Variants in HEMGN observed in about 807,000 individuals in gnomAD.
HEMGN encodes hemogen.
A neutral mutation model predicts 45.7 loss-of-function variants in HEMGN; 32 were observed. The observed-to-expected ratio is 0.70, with a 90% CI of 0.53 to 0.94. HEMGN has a LOEUF of 0.94. Ranked by LOEUF, HEMGN falls within the 40% of genes least tolerant of loss-of-function variation. HEMGN has a pLI of 0.00. For missense variants in HEMGN, 530 were observed against 564.2 expected, an observed-to-expected ratio of 0.94 and a Z score of 0.61; for synonymous variants, 183 against 178.6, an observed-to-expected ratio of 1.02 and a Z score of -0.20.
At position 97,930,215 on chromosome 9, in the gene HEMGN, A is replaced by T. The variant is rs768985827; in HGVS notation, c.1180T>A (p.Tyr394Asn). ...IYQETSQLEE[Y>N]SPEIYQETPG... ...GTTTCTTGGTATATTTCAGGTGAATATTCTTCAAGCTGGGATGTTTCTTGG... is the reference window on the plus strand; with the variant it reads ...GTTTCTTGGTATATTTCAGGTGAATTTTCTTCAAGCTGGGATGTTTCTTGG... Residue 394 changes from tyrosine (Y) to asparagine (N), a missense_variant, in exon 3 of 4, where the codon TAT becomes AAT. Transcript: ENST00000616898. 27 of 1,613,930 alleles carry T rather than the reference A, an allele frequency of 1.7e-5. No homozygotes were observed. The South Asian group carries it at 3.0e-4, about 18-fold the overall frequency.
rs759296272 is a variant in HEMGN at position 97,930,937 on chromosome 9, A to AT, written c.457dup (p.Ile153AsnfsTer9). The AT allele has an allele frequency of 3.3e-5, 53 of 1,613,998 alleles. No homozygotes were observed. The highest frequency in any genetic ancestry group is 3.4e-6 in the Non-Finnish European group (4 of 1,180,028). The stretch of plus-strand genomic sequence containing the variant: ...TTCAGAAGAATGGTTTTGTACTGCT[A>AT]TTTCTTGGTACTCAGAAAAATTCTC... On this transcript the variant is annotated frameshift_variant, in exon 3 of 4. Coordinates refer to ENST00000616898, the MANE Select transcript of HEMGN (RefSeq NM_197978.3). LOFTEE classifies it high-confidence loss of function.
At chr9:97,944,457 C>T (rs575587009) in intron 1 of HEMGN, among the ~76,000 whole-genome samples, 9 of 152,260 alleles carry the variant, frequency 5.9e-5, no homozygotes, top group African/African-American at 2.2e-4. Flanking sequence ...CCATCTTTTC[C>T]TGTCCTATAC....
At chr9:97,937,960 C>CTTTT in intron 1 of HEMGN, 98 bp downstream of exon 1, 17 of 500,278 alleles carry the variant, frequency 3.4e-5, no homozygotes, top group South Asian at 8.1e-5. Context: ...CATTTATTTC[C>CTTTT]TTTTTTTTTT....
chr9:97,939,081 A>G (rs1299845391), upstream of HEMGN, among the ~76,000 whole-genome samples: 2 of 152,212 alleles, frequency 1.3e-5, no homozygotes, highest in Admixed American at 6.5e-5. Context: ...CTCCTGATAC[A>G]GGAAGCCAGT....
At position 97,938,060 on chromosome 9, in the gene HEMGN, G is replaced by A. The variant is rs1229591777; in HGVS notation, c.77C>T (p.Pro26Leu). ...PDPHQEENHS[P>L]EVIGTWSLRN... ...GCTCTTAAGGTATTTTTCATTACCT[G>A]GAGAATGGTTCTCTTCTTGATGAGG... The change falls in exon 1 of 4, where the codon CCA (proline) becomes CTA (leucine). Residue 26 changes from proline (P) to leucine (L), a missense_variant and splice_region_variant. Transcript: ENST00000616898. The A allele has an allele frequency of 6.3e-7, 1 of 1,592,734 alleles. No individual in the cohort carries two copies. The highest frequency in any genetic ancestry group is 8.6e-7 in the Non-Finnish European group (1 of 1,167,290).
At chr9:97,929,726 T>G (rs1326999829) in intron 3 of HEMGN, among the ~76,000 whole-genome samples, 1 of 152,248 alleles carries the variant, frequency 6.6e-6, no homozygotes, top group Non-Finnish European at 1.5e-5. Flanking sequence ...TAATGTAGAC[T>G]TAATTTTTAA....
At chr9:97,932,674 C>T (rs1048296191) in intron 2 of HEMGN, among the ~76,000 whole-genome samples, 10 of 151,872 alleles carry the variant, frequency 6.6e-5, no homozygotes, top group Admixed American at 2.0e-4. Context: ...CATGGTGGTG[C>T]GCGTCTGTAA....
chr9:97,936,067 T>C (rs1827052288), intron 2 of HEMGN, 104 bp downstream of exon 2: 3 of 780,564 alleles, frequency 3.8e-6, no homozygotes, highest in East Asian at 5.0e-5. Context: ...ATTTACAGGA[T>C]TGTTGGAAAG....
chr9:97,939,469 C>A (rs1002184456), upstream of HEMGN, among the ~76,000 whole-genome samples: 1 of 152,182 alleles, frequency 6.6e-6, no homozygotes, highest in African/African-American at 2.4e-5. Context: ...ATACCCACTA[C>A]TTCCATGGAG....
chr9:97,931,132 G>A lies in HEMGN; in HGVS notation c.263C>T (p.Pro88Leu), dbSNP rs530693956. The change falls in exon 3 of 4, where the codon CCT (proline) becomes CTT (leucine). Residue 88 changes from proline (P) to leucine (L), a missense_variant. Pro to Leu is a moderately conservative substitution (Grantham distance 98, BLOSUM62 -3). Transcript: ENST00000616898. ...TATTTCCTTTTCTATCTGTGGCTGA[G>A]GCTCCACCTTCAATTCTGTGTTTTG... The part of the protein sequence containing the change: ...RQQNTELKVE[P>L]QPQIEKEIVE... The A allele has an allele frequency of 6.8e-6, 11 of 1,614,040 alleles. No homozygotes were observed. The Admixed American group carries it at 1.8e-4, about 27-fold the overall frequency.
intron 2 of HEMGN, among the ~76,000 whole-genome samples, chr9:97,934,980 G>A (rs555461908): frequency 4.6e-5 from 7 of 152,296 alleles, no homozygotes; most frequent in Admixed American, 2.0e-4. Flanking sequence ...GGAGAGCTGC[G>A]CAAGGCTGGT....
intron 1 of HEMGN, among the ~76,000 whole-genome samples, chr9:97,936,961 G>A (rs1190087154): frequency 1.5e-4 from 23 of 150,520 alleles, no homozygotes; most frequent in Non-Finnish European, 2.5e-4. Context: ...TTCTGCTGCT[G>A]TCTAAGGTTG....
intron 1 of HEMGN, among the ~76,000 whole-genome samples, chr9:97,937,646 G>A (rs576771401): frequency 6.6e-6 from 1 of 151,848 alleles, no homozygotes; most frequent in African/African-American, 2.4e-5. Flanking sequence ...TTCAAAGAAG[G>A]AGTCTCTGGG....
chr9:97,934,837 G>A (rs1827028037), intron 2 of HEMGN, among the ~76,000 whole-genome samples: 2 of 152,168 alleles, frequency 1.3e-5, no homozygotes, highest in Admixed American at 1.3e-4. Flanking sequence ...TACTGTGGCT[G>A]GAGGCTGCCT....
At chr9:97,942,379 GCT>G, upstream of HEMGN, among the ~76,000 whole-genome samples, 1 of 151,266 alleles carries the variant, frequency 6.6e-6, no homozygotes, top group South Asian at 2.1e-4. Flanking sequence ...ACCTCCCTGG[GCT>G]CAGGTGATCC....
At chr9:97,938,308 T>C (rs898400535), upstream of HEMGN, 3 of 605,054 alleles carry the variant, frequency 5.0e-6, no homozygotes, top group African/African-American at 1.9e-5. Context: ...AACTGCAGGC[T>C]AATTCTACTA....
intron 3 of HEMGN, among the ~76,000 whole-genome samples, chr9:97,929,446 C>G (rs1043666704): frequency 3.3e-5 from 5 of 152,152 alleles, no homozygotes; most frequent in African/African-American, 1.2e-4. Context: ...CTGAAGTTCT[C>G]AGTTATGTCT....
chr9:97,940,451 A>G (rs1827135725), upstream of HEMGN, among the ~76,000 whole-genome samples: 1 of 152,094 alleles, frequency 6.6e-6, no homozygotes, highest in Non-Finnish European at 1.5e-5. Flanking sequence ...GGAGGAGGCC[A>G]GTGGAGAGAC....
rs372858440 is a variant in HEMGN at position 97,930,417 on chromosome 9, A to G, written c.978T>C (p.His326=). 6.2e-7 allele frequency: 1 copy of G among 1,613,978 alleles called. No homozygotes were observed. Among genetic ancestry groups the G allele is most frequent in the Non-Finnish European group, 8.5e-7 (1 of 1,180,008 alleles). Residue 326 remains histidine, a synonymous_variant, in exon 3 of 4, where the codon CAT becomes CAC. Transcript: ENST00000616898. ...QESAEPKYLP[H]KTCNEIIVPK... ...GCACAATAATTTCGTTACATGTTTT[A>G]TGAGGAAGGTATTTAGGTTCAGCTG...
Sources: allele counts gnomAD v4.1 joint callset (sites outside exome capture counted in the v4.1 genomes callset), GRCh38; gene constraint gnomAD v4.1.1; transcripts MANE v1.5; gene names NCBI Gene and HGNC (gene_info 2026-07-23, HGNC 2026-07-21).